The following PAK1 variants were observed in gnomAD, a reference collection of about 807,000 sequenced individuals.
PAK1 encodes the protein p21 (RAC1) activated kinase 1.
A neutral mutation model predicts 67.4 loss-of-function variants in PAK1; 29 were observed. The observed-to-expected ratio is 0.43, with a 90% confidence interval of 0.32 to 0.59. The LOEUF is 0.59. PAK1 is among the 20% of genes least tolerant of loss of function. PAK1 has a pLI of 0.07. For missense variants in PAK1, 337 were observed against 670.7 expected, an observed-to-expected ratio of 0.50 and a Z score of 5.50; for synonymous variants, 223 against 237.4, an observed-to-expected ratio of 0.94 and a Z score of 0.56.
chr11:77,434,160 A>AAT (rs1280935642), intron 1 of PAK1, among the ~76,000 whole-genome samples: 1 of 152,152 alleles, frequency 6.6e-6, no homozygotes, highest in Non-Finnish European at 1.5e-5. Context: ...GGTAAATGAA[A>AAT]ATATATATCT....
At chr11:77,481,673 CAAAAA>C in the PAK1 span, among the ~76,000 whole-genome samples, 7 of 94,424 alleles carry the variant, frequency 7.4e-5, no homozygotes, top group East Asian at 1.2e-3. Context: ...GACTCCATCT[CAAAAA>C]AAAAAAAAAA....
the PAK1 span, among the ~76,000 whole-genome samples, chr11:77,518,691 C>T: frequency 1.3e-5 from 2 of 152,114 alleles, no homozygotes; most frequent in African/African-American, 4.8e-5. Context: ...ATCACTGACA[C>T]CAGATGTGCT....
At chr11:77,522,300 T>C in the PAK1 span, among the ~76,000 whole-genome samples, 1 of 152,336 alleles carries the variant, frequency 6.6e-6, no homozygotes, top group Non-Finnish European at 1.5e-5. Flanking sequence ...CATTCTTTAC[T>C]CACCACAGGT....
chr11:77,346,143 T>C (rs753363895), intron 9 of PAK1, among the ~76,000 whole-genome samples: 2 of 151,982 alleles, frequency 1.3e-5, no homozygotes, highest in Non-Finnish European at 2.9e-5. Context: ...CCAGCTAATT[T>C]TGGTATTTTT....
chr11:77,520,154 A>G, the PAK1 span, among the ~76,000 whole-genome samples: 1 of 152,232 alleles, frequency 6.6e-6, no homozygotes, highest in Admixed American at 6.5e-5. Context: ...ACCCCTTTTT[A>G]TCTGCCTATG....
intron 1 of PAK1, among the ~76,000 whole-genome samples, chr11:77,466,464 A>T (rs769936535): frequency 6.6e-6 from 1 of 152,006 alleles, no homozygotes; most frequent in Non-Finnish European, 1.5e-5. Flanking sequence ...TTAGCCGGGC[A>T]TGGTGGCACG....
chr11:77,467,569 A>C (rs138256571), intron 1 of PAK1, among the ~76,000 whole-genome samples: 2,037 of 152,382 alleles, frequency 0.013, 18 homozygotes, highest in Non-Finnish European at 0.017. Context: ...TCAACTTTGC[A>C]TATCAGAATC....
intron 1 of PAK1, among the ~76,000 whole-genome samples, chr11:77,405,032 C>T (rs1468554681): frequency 6.6e-6 from 1 of 152,188 alleles, no homozygotes; most frequent in East Asian, 1.9e-4. Context: ...ATAATCAAGA[C>T]AGGCTTCTCT....
chr11:77,423,409 A>C (rs1009494947), intron 1 of PAK1, among the ~76,000 whole-genome samples: 6 of 148,252 alleles, frequency 4.0e-5, no homozygotes, highest in Admixed American at 1.3e-4. Context: ...AAATACACAC[A>C]CACACACACA....
chr11:77,478,946 G>A (rs1329752854), upstream of PAK1, among the ~76,000 whole-genome samples: 7 of 151,118 alleles, frequency 4.6e-5, no homozygotes, highest in Non-Finnish European at 8.8e-5. Flanking sequence ...TTAGCTGGGC[G>A]TGGTGGCAGG....
intron 1 of PAK1, among the ~76,000 whole-genome samples, chr11:77,469,854 C>G (rs1957769257): frequency 6.6e-6 from 1 of 151,888 alleles, no homozygotes; most frequent in Non-Finnish European, 1.5e-5. Flanking sequence ...AATAATTGTA[C>G]ATATTTATGA....
chr11:77,439,607 G>C (rs1956270795), intron 1 of PAK1, among the ~76,000 whole-genome samples: 1 of 151,802 alleles, frequency 6.6e-6, no homozygotes, highest in African/African-American at 2.4e-5. Context: ...CAGACTTCTA[G>C]AGAAAAAAAA....
the PAK1 span, among the ~76,000 whole-genome samples, chr11:77,514,294 G>A: frequency 1.3e-5 from 2 of 152,126 alleles, no homozygotes; most frequent in Non-Finnish European, 2.9e-5. Context: ...AGGAGTTCAA[G>A]ACCAGCCTGG....
chr11:77,442,793 A>G (rs1255599825), intron 1 of PAK1, among the ~76,000 whole-genome samples: 2 of 152,216 alleles, frequency 1.3e-5, no homozygotes, highest in African/African-American at 2.4e-5. Flanking sequence ...AACATCAGAA[A>G]GCCCCGATCA....
At chr11:77,442,413 C>G (rs574433676) in intron 1 of PAK1, among the ~76,000 whole-genome samples, 1 of 152,168 alleles carries the variant, frequency 6.6e-6, no homozygotes, top group Non-Finnish European at 1.5e-5. Flanking sequence ...TTTGAGGAAG[C>G]CAGCTGATAT....
At chr11:77,407,907 T>C (rs1953863265) in intron 1 of PAK1, among the ~76,000 whole-genome samples, 1 of 152,194 alleles carries the variant, frequency 6.6e-6, no homozygotes, top group Non-Finnish European at 1.5e-5. Flanking sequence ...CACATGGGAT[T>C]GTTCTTTTTT....
At chr11:77,402,752 G>C (rs1952888889) in intron 1 of PAK1, among the ~76,000 whole-genome samples, 1 of 152,148 alleles carries the variant, frequency 6.6e-6, no homozygotes, top group African/African-American at 2.4e-5. Flanking sequence ...GCCACATGCT[G>C]CCTCAATGGA....
chr11:77,448,414 A>T (rs1008544053), intron 1 of PAK1, among the ~76,000 whole-genome samples: 10 of 152,252 alleles, frequency 6.6e-5, no homozygotes, highest in Admixed American at 4.6e-4. Context: ...TACATTAATT[A>T]CAATACAGTA....
chr11:77,402,868 A>G (rs1385423416), intron 1 of PAK1, among the ~76,000 whole-genome samples: 2 of 152,188 alleles, frequency 1.3e-5, no homozygotes, highest in African/African-American at 4.8e-5. Context: ...TACAGTTTTC[A>G]TTTACTTCAG....
Sources: allele counts gnomAD v4.1 joint callset (sites outside exome capture counted in the v4.1 genomes callset), GRCh38; gene constraint gnomAD v4.1.1; transcripts MANE v1.5; gene names NCBI Gene and HGNC (gene_info 2026-07-23, HGNC 2026-07-21).